Variants in SNX29 observed in about 807,000 individuals in gnomAD.
SNX29 encodes sorting nexin-29.
A neutral mutation model predicts 102.1 loss-of-function variants in SNX29; 78 were observed. The observed-to-expected ratio is 0.76, with a 90% CI of 0.64 to 0.92. The LOEUF is 0.92. Among genes scored for constraint, SNX29 ranks in the 40% least tolerant of loss-of-function variants. The pLI, the probability that SNX29 is intolerant of heterozygous loss-of-function variation, is 0.00. For missense variants in SNX29, 1,280 were observed against 1,061.7 expected (o/e 1.21, Z -2.86); for synonymous variants, 580 against 414.5 (o/e 1.40, Z -4.85).
chr16:12,391,287 T>C (rs2083519944), intron 16 of SNX29, among the ~76,000 whole-genome samples: 1 of 152,160 alleles, frequency 6.6e-6, no homozygotes, highest in Non-Finnish European at 1.5e-5. Flanking sequence ...ATACCACAAA[T>C]ACCACAGAAT....
intron 16 of SNX29, among the ~76,000 whole-genome samples, chr16:12,377,600 G>C (rs2151410003): frequency 6.6e-6 from 1 of 152,320 alleles, no homozygotes; most frequent in South Asian, 2.1e-4. Context: ...GCTTCAGGCA[G>C]GTAATAGATG....
intron 3 of SNX29, among the ~76,000 whole-genome samples, chr16:12,025,179 G>C (rs1297116165): frequency 1.3e-5 from 2 of 151,778 alleles, no homozygotes; most frequent in African/African-American, 2.4e-5. Context: ...GCAGGCGCCT[G>C]TATTCCCAGC....
At chr16:12,020,694 G>A (rs1490108471) in intron 3 of SNX29, among the ~76,000 whole-genome samples, 1 of 151,622 alleles carries the variant, frequency 6.6e-6, no homozygotes, top group Non-Finnish European at 1.5e-5. Context: ...TGCCATCTCG[G>A]CTCACTGCAA....
At chr16:11,990,516 C>G (rs1331813020) in intron 1 of SNX29, among the ~76,000 whole-genome samples, 3 of 152,144 alleles carry the variant, frequency 2.0e-5, no homozygotes, top group Non-Finnish European at 4.4e-5. Flanking sequence ...CCCCCCTCCT[C>G]CTTTGCTTCT....
intron 18 of SNX29, among the ~76,000 whole-genome samples, chr16:12,465,524 T>C (rs1597476744): frequency 2.0e-5 from 3 of 152,356 alleles, no homozygotes; most frequent in Non-Finnish European, 4.4e-5. Context: ...TGACCATATA[T>C]GTGTGGATTT....
At chr16:12,240,881 C>A (rs982476046) in intron 14 of SNX29, among the ~76,000 whole-genome samples, 1 of 152,118 alleles carries the variant, frequency 6.6e-6, no homozygotes, top group African/African-American at 2.4e-5. Context: ...GCTGGGATTA[C>A]AGGCGTTACC....
chr16:12,295,190 A>G (rs1423432735), intron 15 of SNX29, among the ~76,000 whole-genome samples: 1 of 152,168 alleles, frequency 6.6e-6, no homozygotes, highest in Non-Finnish European at 1.5e-5. Flanking sequence ...GGGCACACCT[A>G]AACCATATCC....
At position 12,573,846 on chromosome 16, in the gene SNX29, C is replaced by T. The variant is rs758659843; in HGVS notation, c.*5217C>T. 16 of 212,868 alleles carry T rather than the reference C, an allele frequency of 7.5e-5. No homozygotes were observed. Among genetic ancestry groups the T allele is most frequent in the Admixed American group, 6.4e-4 (11 of 17,072 alleles). The allele number at this position is 212,868 out of a possible 1,614,324, so 13.2% of individuals were successfully genotyped here. On this transcript the variant is annotated 3_prime_UTR_variant, in exon 21 of 21. Transcript: ENST00000566228. ...GAATTTTTATTATCCAGGACTCATC[C>T]TAAGAAGAATGTTGGCCTCTCTTCA...
intron 19 of SNX29, among the ~76,000 whole-genome samples, chr16:12,518,033 G>C (rs1363746728): frequency 1.3e-5 from 2 of 152,190 alleles, no homozygotes; most frequent in African/African-American, 4.8e-5. Context: ...GTGAAGAGAG[G>C]TTAGCAAGGC....
At chr16:12,463,247 C>G (rs1447371123) in intron 18 of SNX29, among the ~76,000 whole-genome samples, 1 of 152,238 alleles carries the variant, frequency 6.6e-6, no homozygotes, top group Non-Finnish European at 1.5e-5. Flanking sequence ...TATATCCACA[C>G]AACACAACTG....
chr16:12,317,121 T>C (rs567548762), intron 15 of SNX29, among the ~76,000 whole-genome samples: 157 of 152,332 alleles, frequency 1.0e-3, no homozygotes, highest in Non-Finnish European at 1.8e-3. Flanking sequence ...CTTTCCACTT[T>C]CCTATTGTAC....
intron 17 of SNX29, among the ~76,000 whole-genome samples, chr16:12,403,202 A>ATGTATGTG (rs1182093376): frequency 1.4e-5 from 1 of 70,882 alleles, no homozygotes; most frequent in South Asian, 3.7e-4. Context: ...TTGTGTGTGT[A>ATGTATGTG]TGTGTGTGTG....
chr16:11,980,576 G>T (rs1010100381), intron 1 of SNX29, among the ~76,000 whole-genome samples: 2 of 152,138 alleles, frequency 1.3e-5, no homozygotes, highest in African/African-American at 4.8e-5. Context: ...ACCATTTGAG[G>T]AGCTGTGTCA....
chr16:12,286,096 G>T (rs1021864441), intron 15 of SNX29, among the ~76,000 whole-genome samples: 5 of 151,712 alleles, frequency 3.3e-5, no homozygotes, highest in African/African-American at 1.2e-4. Flanking sequence ...TCCCACCTCG[G>T]CCTCCCAAAG....
chr16:12,165,403 A>G (rs374364315), intron 13 of SNX29, among the ~76,000 whole-genome samples: 1 of 152,222 alleles, frequency 6.6e-6, no homozygotes, highest in African/African-American at 2.4e-5. Flanking sequence ...TTTTTGTCTC[A>G]GGTCAAGTCA....
At chr16:11,993,333 C>T (rs1390014079) in intron 1 of SNX29, among the ~76,000 whole-genome samples, 1 of 152,002 alleles carries the variant, frequency 6.6e-6, no homozygotes, top group Admixed American at 6.6e-5. Flanking sequence ...TTCTCCTCCC[C>T]ACGTGCCAGG....
intron 11 of SNX29, among the ~76,000 whole-genome samples, chr16:12,080,736 G>A (rs2051828838): frequency 6.8e-6 from 1 of 146,488 alleles, no homozygotes; most frequent in African/African-American, 2.5e-5. Flanking sequence ...TTGTCTCCCA[G>A]GCTGGAGTGC....
At chr16:12,281,291 G>C (rs1403712120) in intron 15 of SNX29, among the ~76,000 whole-genome samples, 1 of 152,184 alleles carries the variant, frequency 6.6e-6, no homozygotes, top group Non-Finnish European at 1.5e-5. Context: ...GAGTTTCTGA[G>C]AATTTTTTTA....
At chr16:12,537,126 G>C (rs11642326) in intron 20 of SNX29, among the ~76,000 whole-genome samples, 25,486 of 152,154 alleles carry the variant, frequency 0.17, 2,297 homozygotes, top group South Asian at 0.24. Flanking sequence ...AGCTGTTGGT[G>C]AAATGGATCT....
Sources: gnomAD v4.1 joint callset for allele counts (sites outside exome capture counted in the v4.1 genomes callset) on GRCh38, gnomAD v4.1.1 for gene constraint, MANE v1.5 for transcripts, NCBI Gene and HGNC (gene_info 2026-07-23, HGNC 2026-07-21) for gene names.